The following KCNIP4 variants were observed in gnomAD, a reference collection of about 807,000 sequenced individuals.
The protein encoded by KCNIP4 is potassium voltage-gated channel interacting protein 4.
Under a neutral mutation model 34.0 loss-of-function variants are expected in KCNIP4, and 12 were observed. The observed-to-expected ratio is 0.35, with a 90% confidence interval of 0.23 to 0.57. The LOEUF (loss-of-function observed/expected upper bound fraction) is 0.57, where lower values mean the gene tolerates loss of function less well. Among genes scored for constraint, KCNIP4 ranks in the 20% least tolerant of loss-of-function variants. The probability of loss-of-function intolerance (pLI) is 0.83; values close to 1 mark genes in which losing one functional copy is unlikely to be tolerated. For missense variants in KCNIP4, 238 were observed against 311.7 expected (o/e 0.76, Z 1.78); for synonymous variants, 124 against 102.2 (o/e 1.21, Z -1.29).
At chr4:21,015,494 CATT>C (rs1739423000) in intron 1 of KCNIP4, among the ~76,000 whole-genome samples, 2 of 119,102 alleles carry the variant, frequency 1.7e-5, no homozygotes, top group African/African-American at 3.2e-5. Flanking sequence ...ATATATAACA[CATT>C]ATAGATAGCA....
chr4:21,543,684 G>A (rs1737889248), intron 1 of KCNIP4, among the ~76,000 whole-genome samples: 1 of 152,138 alleles, frequency 6.6e-6, no homozygotes, highest in Admixed American at 6.6e-5. Flanking sequence ...GCAGACAGTT[G>A]TAAAGTCAGC....
intron 1 of KCNIP4, among the ~76,000 whole-genome samples, chr4:20,908,275 T>A (rs1197153399): frequency 6.6e-6 from 1 of 152,102 alleles, no homozygotes; most frequent in Non-Finnish European, 1.5e-5. Context: ...AATTTTTGTA[T>A]TTTCACTAGA....
At chr4:21,303,272 T>C (rs1029292393) in intron 1 of KCNIP4, among the ~76,000 whole-genome samples, 2 of 152,172 alleles carry the variant, frequency 1.3e-5, no homozygotes, top group Non-Finnish European at 2.9e-5. Flanking sequence ...CCCCTTAGAA[T>C]CTCTGTTAGC....
At chr4:21,155,810 AG>A (rs1235062369) in intron 1 of KCNIP4, among the ~76,000 whole-genome samples, 8 of 152,194 alleles carry the variant, frequency 5.3e-5, no homozygotes, top group African/African-American at 1.7e-4. Context: ...AAACGTTGGC[AG>A]AGGAGGGAAG....
Position 21,694,399 on chromosome 4 carries a change from G to A in KCNIP4, c.61+254172C>T, listed in dbSNP as rs566368178. Among the ~76,000 whole-genome samples, 3 of 152,174 alleles carry A rather than the reference G, an allele frequency of 2.0e-5. No individual in the cohort carries two copies. In the South Asian group the frequency reaches 6.2e-4, roughly 32 times the overall value. ...CATTAACTTGTAATATTTGCATATG[G>A]ATTTCTGTGATTTGCTATACATAAC... is the stretch of plus-strand genomic sequence containing the variant. On this transcript the variant is annotated intron_variant, in intron 1 of 8. Coordinates refer to ENST00000382152, the MANE Select transcript of KCNIP4 (RefSeq NM_025221.6).
chr4:21,148,687 G>GAAA (rs200721752), intron 1 of KCNIP4, among the ~76,000 whole-genome samples: 1 of 135,504 alleles, frequency 7.4e-6, no homozygotes. Flanking sequence ...TACTACAGAA[G>GAAA]AAAAAAAAAA....
chr4:21,575,699 T>C (rs1462583761), intron 1 of KCNIP4, among the ~76,000 whole-genome samples: 2 of 152,248 alleles, frequency 1.3e-5, no homozygotes, highest in African/African-American at 4.8e-5. Flanking sequence ...TCACATTTTA[T>C]ATTGCAATCT....
At chr4:20,979,816 C>CA (rs1435772125) in intron 1 of KCNIP4, among the ~76,000 whole-genome samples, 1 of 152,096 alleles carries the variant, frequency 6.6e-6, no homozygotes, top group African/African-American at 2.4e-5. Context: ...AATGGCTCTT[C>CA]AATGTTTAGG....
chr4:20,821,978 A>G (rs919378825), intron 3 of KCNIP4, among the ~76,000 whole-genome samples: 1 of 152,018 alleles, frequency 6.6e-6, no homozygotes, highest in Admixed American at 6.5e-5. Flanking sequence ...GTGCTGCTAT[A>G]AACATGCGTG....
chr4:21,234,302 CATATATAACAT>C (rs1349378499), intron 1 of KCNIP4, among the ~76,000 whole-genome samples: 2 of 91,408 alleles, frequency 2.2e-5, no homozygotes, highest in East Asian at 3.0e-4. Flanking sequence ...TTATATATAA[CATATATAACAT>C]ATATATAACA....
At chr4:21,595,733 T>C (rs1342123691) in intron 1 of KCNIP4, among the ~76,000 whole-genome samples, 6 of 152,146 alleles carry the variant, frequency 3.9e-5, no homozygotes, top group Non-Finnish European at 7.4e-5. Flanking sequence ...AATAAACATA[T>C]GAAAAAAAAG....
intron 1 of KCNIP4, among the ~76,000 whole-genome samples, chr4:21,702,837 G>A (rs1222743247): frequency 6.6e-6 from 1 of 151,966 alleles, no homozygotes; most frequent in Non-Finnish European, 1.5e-5. Context: ...TAGAAGTATG[G>A]ACTCCAAATC....
intron 1 of KCNIP4, among the ~76,000 whole-genome samples, chr4:20,982,789 A>G (rs79282514): frequency 0.025 from 3,858 of 152,316 alleles, 171 homozygotes; most frequent in African/African-American, 0.088. Flanking sequence ...CTATAGTTAG[A>G]AAGATTACAG....
At chr4:21,443,951 T>C (rs1256311574) in intron 1 of KCNIP4, among the ~76,000 whole-genome samples, 2 of 152,200 alleles carry the variant, frequency 1.3e-5, no homozygotes, top group African/African-American at 2.4e-5. Context: ...ATATCACCAC[T>C]GATCCCACAG....
intron 1 of KCNIP4, among the ~76,000 whole-genome samples, chr4:21,060,282 G>A (rs1289331287): frequency 6.6e-6 from 1 of 152,016 alleles, no homozygotes; most frequent in African/African-American, 2.4e-5. Flanking sequence ...TTAATTAAAT[G>A]CATAATATAT....
At chr4:21,300,310 G>A (rs1156903427) in intron 1 of KCNIP4, among the ~76,000 whole-genome samples, 1 of 152,076 alleles carries the variant, frequency 6.6e-6, no homozygotes, top group Non-Finnish European at 1.5e-5. Context: ...ATTTACTGTT[G>A]TGAAGTTTCA....
At chr4:21,423,997 T>C (rs1242299475) in intron 1 of KCNIP4, among the ~76,000 whole-genome samples, 1 of 151,132 alleles carries the variant, frequency 6.6e-6, no homozygotes, top group Non-Finnish European at 1.5e-5. Flanking sequence ...CTTTTTGTAT[T>C]TTTAGTAGAG....
Position 21,372,386 on chromosome 4 carries a change from ATAGATAGT to A in KCNIP4, c.62-489685_62-489678del, listed in dbSNP as rs1020961300. On this transcript the variant is annotated intron_variant, in intron 1 of 8. Coordinates refer to ENST00000382152, the MANE Select transcript of KCNIP4 (RefSeq NM_025221.6). ...GATAGATAGATAGATAGATAGATAG[ATAGATAGT>A]TAGATAGACAGACAGACAGATACAG... is the stretch of plus-strand genomic sequence containing the variant. 5.4e-5 allele frequency among the ~76,000 whole-genome samples: 8 copies of A among 146,850 alleles called. 2 individuals carry two copies. The highest frequency in any genetic ancestry group is 1.9e-4 in the African/African-American group (7 of 36,650).
In KCNIP4 at chr4:21,054,878, C is replaced by G. The variant is rs560139390; in HGVS notation, c.62-172169G>C. On this transcript the variant is annotated intron_variant, in intron 1 of 8. Transcript: ENST00000382152. ...AATGGTAATGACATTTTAGATACAA[C>G]AGCAAAGGCATGATCTATGTTGGAA... Among the ~76,000 whole-genome samples the G allele has an allele frequency of 8.5e-5, 13 of 152,160 alleles. No individual in the cohort carries two copies. In the East Asian group the frequency reaches 2.5e-3, roughly 29 times the overall value.
Sources: gnomAD v4.1 joint callset for allele counts (sites outside exome capture counted in the v4.1 genomes callset) on GRCh38, gnomAD v4.1.1 for gene constraint, MANE v1.5 for transcripts, NCBI Gene and HGNC (gene_info 2026-07-23, HGNC 2026-07-21) for gene names.